SLC25A27: variants seen among roughly 807,000 people sequenced by gnomAD.
The protein encoded by SLC25A27 is solute carrier family 25 member 27, also known as mitochondrial uncoupling protein 4.
SLC25A27 carries 35 observed loss-of-function variants against 49.1 expected under a neutral mutation model. That is an observed-to-expected ratio of 0.71 (90% CI 0.54 to 0.95). The LOEUF (loss-of-function observed/expected upper bound fraction) is 0.95, where lower values mean the gene tolerates loss of function less well. SLC25A27 is among the 40% of genes least tolerant of loss of function. The pLI is 0.00. For synonymous variants in SLC25A27, 144 were observed against 136.9 expected (o/e 1.05, Z -0.36); for missense variants, 339 against 397.1 (o/e 0.85, Z 1.24).
intron 6 of SLC25A27, among the ~76,000 whole-genome samples, 170 bp from the exon 7 acceptor site, chr6:46,669,962 TTTG>T (rs1434385799): frequency 1.3e-5 from 2 of 152,340 alleles, no homozygotes; most frequent in Admixed American, 6.5e-5. Context: ...TGACATTCTT[TTTG>T]TTGTTTTTCT....
intron 4 of SLC25A27, among the ~76,000 whole-genome samples, chr6:46,664,439 C>T (rs918125134): frequency 6.6e-5 from 10 of 151,960 alleles, no homozygotes; most frequent in African/African-American, 2.4e-4. Flanking sequence ...ATCTGATAAC[C>T]TTTGGTTTTC....
At chr6:46,669,638 A>T (rs1332114411) in intron 6 of SLC25A27, among the ~76,000 whole-genome samples, 2 of 152,008 alleles carry the variant, frequency 1.3e-5, no homozygotes, top group Non-Finnish European at 2.9e-5. Context: ...AGTATTACTG[A>T]CTCGGCTTTT....
At chr6:46,673,412 T>G (rs1763631087) in intron 8 of SLC25A27, among the ~76,000 whole-genome samples, 1 of 152,150 alleles carries the variant, frequency 6.6e-6, no homozygotes, top group South Asian at 2.1e-4. Context: ...ACAGCCTTAT[T>G]AAGGAGGTTG....
chr6:46,677,895 T>C lies in SLC25A27; in HGVS notation c.*1441T>C, dbSNP rs1273563363. 6.6e-6 allele frequency: 1 copy of C among 152,426 alleles called. No individual in the cohort carries two copies. Among genetic ancestry groups the C allele is most frequent in the Non-Finnish European group, 1.5e-5 (1 of 68,004 alleles). 9.4% of individuals were successfully genotyped at this position (152,426 alleles called of 1,614,324 possible). ...AGGGGGAAGTACATTTTAAAATATATTTGAATGTCATGTACTGATATGCAG... is the reference window on the plus strand; with the variant it reads ...AGGGGGAAGTACATTTTAAAATATACTTGAATGTCATGTACTGATATGCAG... On this transcript the variant is annotated 3_prime_UTR_variant, in exon 9 of 9. Coordinates refer to ENST00000371347, the MANE Select transcript of SLC25A27 (RefSeq NM_004277.5).
At chr6:46,668,631 G>T in intron 5 of SLC25A27, 78 bp from the exon 6 acceptor site, 2 of 830,518 alleles carry the variant, frequency 2.4e-6, no homozygotes, top group Non-Finnish European at 2.1e-6. Flanking sequence ...ACACATTCCT[G>T]CCCCAAGCCT....
rs1424935536 is a variant in SLC25A27 at position 46,654,176 on chromosome 6, CTG to C, written c.106+882_106+883del. The C allele has an allele frequency of 8.3e-6, 8 of 966,916 alleles. No homozygotes were observed. The African/African-American group carries it at 1.1e-4, about 13-fold the overall frequency. The allele number at this position is 966,916 out of a possible 1,614,324, so 59.9% of individuals were successfully genotyped here. A position where few individuals can be genotyped will look rare whatever the true frequency, so the allele number is the denominator to read the frequency against. On this transcript the variant is annotated intron_variant, in intron 1 of 8. Coordinates refer to ENST00000371347, the MANE Select transcript of SLC25A27 (RefSeq NM_004277.5). ...TCATGTGTTTCCTGTGAAGCCTTAA[CTG>C]TGTATTTTAAGATTACCCTTACATT...
Position 46,662,440 on chromosome 6 carries a change from C to G in SLC25A27, c.448C>G (p.Leu150Val), listed in dbSNP as rs774517838. The change falls in exon 4 of 9, where the codon CTA (leucine) becomes GTA (valine). Residue 150 changes from leucine (L) to valine (V), a missense_variant. Leu to Val is a conservative substitution (Grantham distance 32). Coordinates refer to ENST00000371347, the MANE Select transcript of SLC25A27 (RefSeq NM_004277.5). ...CCAGTTTTTAGCCAATCCAACTGAC[C>G]TAGTGAAGGTTCAGATGCAAATGGA... ...IGQFLANPTD[L>V]VKVQMQMEGK... The G allele has an allele frequency of 6.2e-7, 1 of 1,613,810 alleles. No homozygotes were observed. Among genetic ancestry groups the G allele is most frequent in the Admixed American group, 1.7e-5 (1 of 60,012 alleles).
chr6:46,662,272 G>T (rs1379490864), intron 3 of SLC25A27, 104 bp from the exon 4 acceptor site: 1 of 966,628 alleles, frequency 1.0e-6, no homozygotes, highest in East Asian at 2.5e-5. Context: ...TTCTTTACTT[G>T]ATCTGAAATC....
intron 8 of SLC25A27, among the ~76,000 whole-genome samples, chr6:46,675,169 G>T (rs1225753738): frequency 6.6e-6 from 1 of 152,050 alleles, no homozygotes; most frequent in African/African-American, 2.4e-5. Context: ...CCTTCTACTG[G>T]GTAGAGGTAC....
At chr6:46,661,776 T>C (rs2150639848) in intron 3 of SLC25A27, among the ~76,000 whole-genome samples, 1 of 152,322 alleles carries the variant, frequency 6.6e-6, no homozygotes, top group African/African-American at 2.4e-5. Context: ...AATGAAATGG[T>C]ATTTTTAAAA....
At chr6:46,660,430 T>C (rs1234320642) in intron 3 of SLC25A27, among the ~76,000 whole-genome samples, 1 of 152,228 alleles carries the variant, frequency 6.6e-6, no homozygotes, top group Admixed American at 6.5e-5. Flanking sequence ...CTATAGTCTT[T>C]TTGGAGCATA....
intron 7 of SLC25A27, 47 bp from the exon 8 acceptor site, chr6:46,671,078 TA>T (rs761697808): frequency 1.0e-5 from 13 of 1,258,414 alleles, no homozygotes; most frequent in Middle Eastern, 2.2e-4. Flanking sequence ...TGTACATATA[TA>T]TTTTTTTACA....
chr6:46,659,582 G>T (rs1763095603), intron 3 of SLC25A27, among the ~76,000 whole-genome samples: 1 of 152,150 alleles, frequency 6.6e-6, no homozygotes, highest in South Asian at 2.1e-4. Context: ...CGCTGGGCGG[G>T]GTGGCTCACG....
intron 8 of SLC25A27, among the ~76,000 whole-genome samples, chr6:46,674,057 G>C (rs564136404): frequency 9.9e-5 from 15 of 152,212 alleles, no homozygotes; most frequent in African/African-American, 3.6e-4. Context: ...GAAACTAGGA[G>C]GATGAGTGAG....
intron 1 of SLC25A27, among the ~76,000 whole-genome samples, chr6:46,655,535 G>GTTT (rs773585919): frequency 3.7e-4 from 4 of 10,696 alleles, no homozygotes; most frequent in Non-Finnish European, 8.1e-4. Context: ...GTTAATGTTT[G>GTTT]TTTTTTTTTT....
Position 46,656,049 on chromosome 6 carries a change from T to C in SLC25A27, c.298+15T>C. Reference sequence around the variant, plus strand: ...CAGACACGTAGGTATTTATCTTGATTCTAGCTGGTAAGTTTGTTATGAGTT... The same window carrying C: ...CAGACACGTAGGTATTTATCTTGATCCTAGCTGGTAAGTTTGTTATGAGTT... On this transcript the variant is annotated intron_variant, in intron 2 of 8. Coordinates refer to ENST00000371347, the MANE Select transcript of SLC25A27 (RefSeq NM_004277.5). The C allele has an allele frequency of 5.0e-6, 8 of 1,590,238 alleles. No homozygotes were observed. Among genetic ancestry groups the C allele is most frequent in the Non-Finnish European group, 6.0e-6 (7 of 1,169,148 alleles).
At chr6:46,669,444 T>C (rs937242783) in intron 6 of SLC25A27, among the ~76,000 whole-genome samples, 3 of 152,228 alleles carry the variant, frequency 2.0e-5, no homozygotes, top group Admixed American at 2.0e-4. Flanking sequence ...TCTACTGTCC[T>C]TGACATTATA....
chr6:46,665,553 G>A (rs879545508), intron 5 of SLC25A27, among the ~76,000 whole-genome samples: 11 of 152,172 alleles, frequency 7.2e-5, no homozygotes, highest in Middle Eastern at 3.4e-3. Flanking sequence ...AGGTGTGGTG[G>A]CAGGTGCCTG....
chr6:46,676,256 C>A (rs1763782041), intron 8 of SLC25A27, 127 bp from the exon 9 acceptor site: 1 of 768,868 alleles, frequency 1.3e-6, no homozygotes, highest in African/African-American at 1.8e-5. Context: ...AGGTGAAATA[C>A]CAAAATATTT....
Sources: gnomAD v4.1 joint callset for allele counts (sites outside exome capture counted in the v4.1 genomes callset) on GRCh38, gnomAD v4.1.1 for gene constraint, MANE v1.5 for transcripts, NCBI Gene and HGNC (gene_info 2026-07-23, HGNC 2026-07-21) for gene names.